Variants in FRAS1 observed in about 807,000 individuals in gnomAD.
FRAS1 encodes the protein extracellular matrix organizing protein FRAS1.
A neutral mutation model predicts 435.2 loss-of-function variants in FRAS1; 290 were observed. The ratio of observed to expected loss-of-function variants is 0.67; its 90% CI spans 0.61 to 0.73. The LOEUF (loss-of-function observed/expected upper bound fraction) is 0.73, where lower values mean the gene tolerates loss of function less well. Among genes scored for constraint, FRAS1 ranks in the 30% least tolerant of loss-of-function variants. The probability of loss-of-function intolerance (pLI) is 0.00; values close to 1 mark genes in which losing one functional copy is unlikely to be tolerated. For missense variants in FRAS1, 4,860 were observed against 5,001.5 expected (o/e 0.97, Z 0.85); for synonymous variants, 1,800 against 1,851.0 (o/e 0.97, Z 0.71).
At chr4:78,077,515 C>A (rs1165749199) in intron 2 of FRAS1, among the ~76,000 whole-genome samples, 2 of 152,064 alleles carry the variant, frequency 1.3e-5, no homozygotes, top group Non-Finnish European at 2.9e-5. Context: ...GTAGTGAAGT[C>A]AGGGCTTTTA....
At chr4:78,492,156 A>G (rs1442396121) in intron 59 of FRAS1, among the ~76,000 whole-genome samples, 1 of 152,244 alleles carries the variant, frequency 6.6e-6, no homozygotes, top group Non-Finnish European at 1.5e-5. Flanking sequence ...GAGAGGACAC[A>G]AATGGAAAAA....
At chr4:78,116,009 C>A (rs888625855) in intron 2 of FRAS1, among the ~76,000 whole-genome samples, 13 of 152,082 alleles carry the variant, frequency 8.5e-5, no homozygotes, top group East Asian at 1.9e-4. Context: ...TAATGTGTCC[C>A]AGAGATTCTG....
intron 71 of FRAS1, among the ~76,000 whole-genome samples, chr4:78,535,963 A>G (rs1021852648): frequency 3.3e-5 from 5 of 152,158 alleles, no homozygotes; most frequent in African/African-American, 9.6e-5. Context: ...AGCATTTGGA[A>G]TTAGCCAGAT....
chr4:78,406,612 C>T (rs1463385673), intron 30 of FRAS1, among the ~76,000 whole-genome samples: 1 of 152,150 alleles, frequency 6.6e-6, no homozygotes, highest in African/African-American at 2.4e-5. Context: ...TGTGGGAATT[C>T]TTGGAGATAC....
chr4:78,541,113 A>G lies in FRAS1; in HGVS notation c.12028A>G (p.Thr4010Ala), dbSNP rs781741083. Residue 4010 changes from threonine (T) to alanine (A), a missense_variant, in exon 74 of 74, where the codon ACA becomes GCA. By Grantham distance (58) the Thr-to-Ala change is moderately conservative. Transcript: ENST00000512123. ...AGTTCACAACAATTTACAAGATGGAACAGAAGTTTAATGGAGGAGACCTAT... is the reference window on the plus strand; with the variant it reads ...AGTTCACAACAATTTACAAGATGGAGCAGAAGTTTAATGGAGGAGACCTAT... Reference protein sequence around the residue: ...VRVHNNLQDGTEV With the variant: ...VRVHNNLQDGAEV The G allele has an allele frequency of 7.2e-7, 1 of 1,381,562 alleles. No individual in the cohort carries two copies. Among genetic ancestry groups the G allele is most frequent in the Non-Finnish European group, 9.4e-7 (1 of 1,059,106 alleles). 85.6% of individuals were successfully genotyped at this position (1,381,562 alleles called of 1,614,324 possible).
At chr4:78,060,908 G>A (rs1043902875) in intron 1 of FRAS1, among the ~76,000 whole-genome samples, 2 of 151,976 alleles carry the variant, frequency 1.3e-5, no homozygotes, top group Non-Finnish European at 2.9e-5. Context: ...GTGCAGTGGT[G>A]CAATCTCAGC....
chr4:78,257,013 A>C (rs1236653544), intron 6 of FRAS1, among the ~76,000 whole-genome samples: 2 of 152,038 alleles, frequency 1.3e-5, no homozygotes, highest in African/African-American at 4.8e-5. Context: ...CCTCTACCAT[A>C]CCTACCACCA....
At position 78,383,927 on chromosome 4, in the gene FRAS1, G is replaced by A. The variant is rs929553789; in HGVS notation, c.3564-132G>A. 4 of 632,786 alleles carry A rather than the reference G, an allele frequency of 6.3e-6. No individual in the cohort carries two copies. The Admixed American group carries it at 1.0e-4, about 16-fold the overall frequency. 39.2% of individuals were successfully genotyped at this position (632,786 alleles called of 1,614,324 possible). On this transcript the variant is annotated intron_variant, in intron 27 of 73. Coordinates refer to ENST00000512123, the MANE Select transcript of FRAS1 (RefSeq NM_025074.7). Reference sequence around the variant, plus strand: ...TGGTAGTTTTTTCTTTATAGTATGAGTGTGACATTACTGCAGCAGTTTGAT... The same window carrying A: ...TGGTAGTTTTTTCTTTATAGTATGAATGTGACATTACTGCAGCAGTTTGAT...
In FRAS1 at chr4:78,467,241, C is replaced by T. The variant is rs1420966153; in HGVS notation, c.7257+806C>T. On this transcript the variant is annotated intron_variant, in intron 50 of 73. Transcript: ENST00000512123. ...CTGCCCCCTTACTACTCTTCCCAGCCTCTGGTAACCATTCTTCTCCTCTCT... is the reference window on the plus strand; with the variant it reads ...CTGCCCCCTTACTACTCTTCCCAGCTTCTGGTAACCATTCTTCTCCTCTCT... Among the ~76,000 whole-genome samples the T allele has an allele frequency of 3.9e-5, 6 of 152,238 alleles. No individual in the cohort carries two copies. In the South Asian group the frequency reaches 8.3e-4, roughly 21 times the overall value.
Position 78,375,759 on chromosome 4 carries a change from C to A in FRAS1, c.3172C>A (p.Gln1058Lys). The part of the protein sequence containing the change: ...KCTACPQGCL[Q>K]CSHRDRCHLC... ...AATAGCCTGCCCTCAGGGGTGCTTGCAGTGCAGCCACAGGGACCGTTGTCA... is the reference window on the plus strand; with the variant it reads ...AATAGCCTGCCCTCAGGGGTGCTTGAAGTGCAGCCACAGGGACCGTTGTCA... The change falls in exon 26 of 74, where the codon CAG becomes AAG. Residue 1058 changes from glutamine (Q) to lysine (K), a missense_variant. Physicochemically the swap from Gln to Lys is moderately conservative, Grantham distance 53. Transcript: ENST00000512123. 1.2e-6 allele frequency: 2 copies of A among 1,603,764 alleles called. No homozygotes were observed. Among genetic ancestry groups the A allele is most frequent in the Non-Finnish European group, 8.5e-7 (1 of 1,174,702 alleles).
intron 20 of FRAS1, among the ~76,000 whole-genome samples, chr4:78,345,530 A>G (rs1578265512): frequency 6.7e-6 from 1 of 149,206 alleles, no homozygotes. Context: ...CTATCTCTGT[A>G]TTTTTTTTCA....
chr4:78,073,537 T>C (rs935112055), intron 2 of FRAS1, among the ~76,000 whole-genome samples: 2 of 152,212 alleles, frequency 1.3e-5, no homozygotes, highest in Non-Finnish European at 2.9e-5. Flanking sequence ...TTTTATTTAT[T>C]CTATTTCTCT....
At chr4:78,480,639 A>G (rs1170324657) in intron 56 of FRAS1, among the ~76,000 whole-genome samples, 3 of 152,240 alleles carry the variant, frequency 2.0e-5, no homozygotes, top group Non-Finnish European at 4.4e-5. Flanking sequence ...CATTCATGTA[A>G]GAGCCCAAAG....
At chr4:78,396,101 C>T (rs1356172603) in intron 29 of FRAS1, among the ~76,000 whole-genome samples, 1 of 152,048 alleles carries the variant, frequency 6.6e-6, no homozygotes, top group African/African-American at 2.4e-5. Context: ...ACTAACTTAT[C>T]TCCAATTGCA....
At chr4:78,206,305 C>T (rs998319687) in intron 2 of FRAS1, among the ~76,000 whole-genome samples, 14 of 151,948 alleles carry the variant, frequency 9.2e-5, no homozygotes, top group Non-Finnish European at 1.9e-4. Context: ...AGGAAGGGGC[C>T]GTGAGCCAAG....
chr4:78,516,437 T>A (rs1721219401), intron 66 of FRAS1, among the ~76,000 whole-genome samples: 1 of 152,242 alleles, frequency 6.6e-6, no homozygotes, highest in Non-Finnish European at 1.5e-5. Flanking sequence ...AGAGCTCTGT[T>A]GTCCTATGCA....
intron 58 of FRAS1, among the ~76,000 whole-genome samples, chr4:78,486,830 A>AT (rs67268640): frequency 0.011 from 1,372 of 123,504 alleles, 21 homozygotes; most frequent in African/African-American, 0.029. Context: ...CTCTCTCTCT[A>AT]TTTTTTTTTT....
At chr4:78,159,329 G>C (rs1019485057) in intron 2 of FRAS1, among the ~76,000 whole-genome samples, 1 of 152,198 alleles carries the variant, frequency 6.6e-6, no homozygotes, top group Admixed American at 6.5e-5. Flanking sequence ...AAGTGGGATG[G>C]TGTGGATACA....
chr4:78,180,453 A>G (rs1721950007), intron 2 of FRAS1, among the ~76,000 whole-genome samples: 1 of 152,234 alleles, frequency 6.6e-6, no homozygotes, highest in South Asian at 2.1e-4. Context: ...AGTATGTCCA[A>G]TATTTAAAAC....
Sources: gnomAD v4.1 joint callset for allele counts (sites outside exome capture counted in the v4.1 genomes callset) on GRCh38, gnomAD v4.1.1 for gene constraint, MANE v1.5 for transcripts, NCBI Gene and HGNC (gene_info 2026-07-23, HGNC 2026-07-21) for gene names.